The following RSRC1 variants were observed in gnomAD, a reference collection of about 807,000 sequenced individuals.
RSRC1 encodes the protein arginine and serine rich coiled-coil 1.
Under a neutral mutation model 49.1 loss-of-function variants are expected in RSRC1, and 39 were observed. That is an observed-to-expected ratio of 0.79 (90% CI 0.61 to 1.04). RSRC1 has a LOEUF of 1.04. Ranked by LOEUF, RSRC1 falls within the 50% of genes least tolerant of loss-of-function variation. The probability of loss-of-function intolerance (pLI) is 0.00; values close to 1 mark genes in which losing one functional copy is unlikely to be tolerated. For synonymous variants in RSRC1, 143 were observed against 130.8 expected (o/e 1.09, Z -0.63); for missense variants, 388 against 402.4 (o/e 0.96, Z 0.31).
chr3:158,328,486 C>T (rs1017327641), intron 5 of RSRC1, among the ~76,000 whole-genome samples: 2 of 152,118 alleles, frequency 1.3e-5, no homozygotes, highest in Admixed American at 1.3e-4. Context: ...TTCTCCTTCA[C>T]TTATGAAGCT....
intron 5 of RSRC1, among the ~76,000 whole-genome samples, chr3:158,299,966 T>C (rs1165982065): frequency 6.6e-6 from 1 of 152,200 alleles, no homozygotes; most frequent in African/African-American, 2.4e-5. Context: ...TTAAATAACA[T>C]TTCATCTGAA....
chr3:158,234,747 A>G (rs1723148392), intron 4 of RSRC1, among the ~76,000 whole-genome samples: 1 of 152,136 alleles, frequency 6.6e-6, no homozygotes, highest in African/African-American at 2.4e-5. Flanking sequence ...AACTGAAATA[A>G]TCATGGTGAC....
chr3:158,254,583 C>T (rs967440389), intron 4 of RSRC1, among the ~76,000 whole-genome samples: 2 of 152,096 alleles, frequency 1.3e-5, no homozygotes, highest in African/African-American at 4.8e-5. Context: ...AGGCGGCCGC[C>T]AGCACGCCTG....
At chr3:158,521,115 A>G (rs1711649271) in intron 7 of RSRC1, among the ~76,000 whole-genome samples, 1 of 152,186 alleles carries the variant, frequency 6.6e-6, no homozygotes, top group Non-Finnish European at 1.5e-5. Context: ...AAGATCACAT[A>G]TTTTTAGAAG....
intron 6 of RSRC1, among the ~76,000 whole-genome samples, chr3:158,411,340 T>A (rs950736520): frequency 1.3e-5 from 2 of 152,070 alleles, no homozygotes; most frequent in Non-Finnish European, 2.9e-5. Context: ...TGTTGTAGAG[T>A]ATGTATAATT....
At chr3:158,370,674 T>C (rs1017912261) in intron 6 of RSRC1, among the ~76,000 whole-genome samples, 3 of 152,004 alleles carry the variant, frequency 2.0e-5, no homozygotes, top group Admixed American at 6.6e-5. Flanking sequence ...AAATAAATTG[T>C]TTCAGTTTAT....
chr3:158,270,677 T>G (rs1433443153), intron 4 of RSRC1, among the ~76,000 whole-genome samples: 2 of 152,168 alleles, frequency 1.3e-5, no homozygotes, highest in East Asian at 3.8e-4. Flanking sequence ...TTTAATAGAT[T>G]TAAGCATGGC....
At chr3:158,358,298 A>C (rs1200582585) in intron 6 of RSRC1, among the ~76,000 whole-genome samples, 4 of 152,208 alleles carry the variant, frequency 2.6e-5, no homozygotes, top group African/African-American at 4.8e-5. Flanking sequence ...ACCTGGACTT[A>C]ATTATTCTGA....
intron 3 of RSRC1, among the ~76,000 whole-genome samples, chr3:158,162,631 A>G (rs1404513598): frequency 6.6e-6 from 1 of 152,184 alleles, no homozygotes; most frequent in Non-Finnish European, 1.5e-5. Flanking sequence ...CATTGCTTCT[A>G]GCTCATTTAT....
chr3:158,202,537 T>C (rs864877), intron 3 of RSRC1, among the ~76,000 whole-genome samples: 1 of 131,138 alleles, frequency 7.6e-6, no homozygotes, highest in African/African-American at 3.0e-5. Context: ...TTAAAAATTA[T>C]CTGTAGGGTT....
At chr3:158,256,306 C>T (rs1471282310) in intron 4 of RSRC1, among the ~76,000 whole-genome samples, 2 of 152,104 alleles carry the variant, frequency 1.3e-5, no homozygotes, top group Non-Finnish European at 2.9e-5. Context: ...TTTTCAGCAC[C>T]TCTCGAGATA....
chr3:158,473,565 T>C (rs111420996), intron 7 of RSRC1, among the ~76,000 whole-genome samples: 1,876 of 152,006 alleles, frequency 0.012, 34 homozygotes, highest in African/African-American at 0.043. Context: ...CTAATGTAAA[T>C]GACGAGTTAA....
chr3:158,489,956 C>G (rs1445495568), intron 7 of RSRC1, among the ~76,000 whole-genome samples: 2 of 152,036 alleles, frequency 1.3e-5, no homozygotes, highest in East Asian at 3.8e-4. Context: ...AGAATATTAT[C>G]CATTATGTGG....
At chr3:158,225,452 C>G (rs934547426) in intron 4 of RSRC1, among the ~76,000 whole-genome samples, 1 of 151,812 alleles carries the variant, frequency 6.6e-6, no homozygotes, top group African/African-American at 2.4e-5. Context: ...TGAACTTGCT[C>G]CCCCTTAATG....
rs73170386 is a variant in RSRC1, at chr3:158,408,483, C to T, written c.584-52452C>T. 6.4e-3 allele frequency among the ~76,000 whole-genome samples: 976 copies of T among 152,198 alleles called. 12 individuals are homozygous for T. Among genetic ancestry groups the T allele is most frequent in the Non-Finnish European group, 0.01 (696 of 68,012 alleles). On this transcript the variant is annotated intron_variant, in intron 6 of 9. Coordinates refer to ENST00000611884, the MANE Select transcript of RSRC1 (RefSeq NM_001271838.2). ...CTAACTTATGAACTTATTACTAAAA[C>T]CTCACGTTATAGCTAAGGAATAAGG... is the stretch of plus-strand genomic sequence containing the variant.
At chr3:158,346,013 A>C (rs1730535867) in intron 5 of RSRC1, among the ~76,000 whole-genome samples, 1 of 152,110 alleles carries the variant, frequency 6.6e-6, no homozygotes, top group Non-Finnish European at 1.5e-5. Flanking sequence ...TACTGTATTA[A>C]AAAATTAATT....
chr3:158,328,883 G>A (rs577950228), intron 5 of RSRC1, among the ~76,000 whole-genome samples: 4 of 152,256 alleles, frequency 2.6e-5, no homozygotes, highest in Non-Finnish European at 5.9e-5. Flanking sequence ...CCAATCAGAC[G>A]TAGATTTTGT....
intron 5 of RSRC1, among the ~76,000 whole-genome samples, chr3:158,336,144 T>C (rs1049151354): frequency 7.9e-5 from 12 of 152,274 alleles, no homozygotes; most frequent in African/African-American, 2.9e-4. Context: ...GCCTAGGCAA[T>C]GAGGAAGATG....
intron 4 of RSRC1, among the ~76,000 whole-genome samples, chr3:158,272,579 A>G (rs545509793): frequency 2.6e-5 from 4 of 152,178 alleles, no homozygotes; most frequent in African/African-American, 9.6e-5. Flanking sequence ...AAAATTTTTA[A>G]TACTAGTATT....
Sources: gnomAD v4.1 joint callset for allele counts (sites outside exome capture counted in the v4.1 genomes callset) on GRCh38, gnomAD v4.1.1 for gene constraint, MANE v1.5 for transcripts, NCBI Gene and HGNC (gene_info 2026-07-23, HGNC 2026-07-21) for gene names.